NOL4: variants seen among roughly 807,000 people sequenced by gnomAD.
The protein encoded by NOL4 is nucleolar protein 4.
In NOL4, 17 loss-of-function variants were observed where a neutral mutation model predicts 75.9. The ratio of observed to expected loss-of-function variants is 0.22; its 90% CI spans 0.15 to 0.34. The LOEUF (loss-of-function observed/expected upper bound fraction) is 0.34, where lower values mean the gene tolerates loss of function less well. Ranked by LOEUF, NOL4 falls within the 10% of genes least tolerant of loss-of-function variation. The pLI is 1.00. For missense variants in NOL4, 614 were observed against 793.5 expected, an observed-to-expected ratio of 0.77 and a Z score of 2.72; for synonymous variants, 292 against 289.9, an observed-to-expected ratio of 1.01 and a Z score of -0.07.
intron 1 of NOL4, among the ~76,000 whole-genome samples, chr18:34,148,813 T>C (rs1568395145): frequency 6.6e-6 from 1 of 152,008 alleles, no homozygotes; most frequent in Non-Finnish European, 1.5e-5. Context: ...CAGGGGGGTA[T>C]TAAAGTCTCC....
At chr18:34,055,350 T>C (rs2076791836) in intron 5 of NOL4, among the ~76,000 whole-genome samples, 1 of 152,156 alleles carries the variant, frequency 6.6e-6, no homozygotes, top group South Asian at 2.1e-4. Flanking sequence ...TAAATTCCTC[T>C]CCATTTTTGA....
chr18:34,144,838 T>G (rs1326080085), intron 1 of NOL4, among the ~76,000 whole-genome samples: 1 of 152,142 alleles, frequency 6.6e-6, no homozygotes, highest in Admixed American at 6.6e-5. Flanking sequence ...TGACATGCAG[T>G]TCTCCATGAC....
chr18:33,998,380 T>C (rs2073443258), intron 6 of NOL4, among the ~76,000 whole-genome samples: 1 of 152,100 alleles, frequency 6.6e-6, no homozygotes, highest in Non-Finnish European at 1.5e-5. Flanking sequence ...TTTTTATCTA[T>C]ATGAAATCAC....
intron 1 of NOL4, among the ~76,000 whole-genome samples, chr18:34,214,782 T>C (rs1336767662): frequency 6.6e-6 from 1 of 151,924 alleles, no homozygotes; most frequent in African/African-American, 2.4e-5. Context: ...AACTAATGAA[T>C]GGACAAACAA....
intron 10 of NOL4, among the ~76,000 whole-genome samples, chr18:33,879,493 A>G (rs556820848): frequency 6.6e-6 from 1 of 151,862 alleles, no homozygotes; most frequent in African/African-American, 2.4e-5. Context: ...GCAACATGGT[A>G]AAAACTTTGT....
intron 9 of NOL4, among the ~76,000 whole-genome samples, chr18:33,913,319 G>C (rs1343968810): frequency 1.3e-5 from 2 of 152,004 alleles, no homozygotes; most frequent in Non-Finnish European, 1.5e-5. Context: ...TTTAAATATT[G>C]AGTAACAAAG....
At chr18:34,208,861 C>T (rs1211258570) in intron 1 of NOL4, among the ~76,000 whole-genome samples, 3 of 151,432 alleles carry the variant, frequency 2.0e-5, no homozygotes, top group South Asian at 2.1e-4. Context: ...GACTCCATCT[C>T]GAAAAAATGA....
chr18:34,174,103 T>G (rs1239856093), intron 1 of NOL4, among the ~76,000 whole-genome samples: 1 of 152,192 alleles, frequency 6.6e-6, no homozygotes, highest in Non-Finnish European at 1.5e-5. Flanking sequence ...GTGAAGTGGA[T>G]AATGACTGGC....
intron 9 of NOL4, among the ~76,000 whole-genome samples, chr18:33,898,787 T>C (rs1207165550): frequency 6.6e-6 from 1 of 152,206 alleles, no homozygotes; most frequent in Non-Finnish European, 1.5e-5. Context: ...TTTTGAGACT[T>C]CTTTTTTTCC....
rs535186309 is a variant in NOL4, at chr18:33,897,637, A to C, written c.1543-14213T>G. ...GGAAGGTGGGAGGAGGAAGAGGAGC[A>C]GAAAAGATAACTATTGGGTACTGGG... On this transcript the variant is annotated intron_variant, in intron 9 of 10. Coordinates refer to ENST00000261592, the MANE Select transcript of NOL4 (RefSeq NM_003787.5). Among the ~76,000 whole-genome samples, 11 of 152,234 alleles carry C rather than the reference A, an allele frequency of 7.2e-5. No homozygotes were observed. In the South Asian group the frequency reaches 1.7e-3, roughly 23 times the overall value.
At chr18:34,183,202 A>G (rs1410737266) in intron 1 of NOL4, among the ~76,000 whole-genome samples, 2 of 151,900 alleles carry the variant, frequency 1.3e-5, no homozygotes, top group Non-Finnish European at 3.0e-5. Context: ...CTCAAAATTC[A>G]ATAATAAGCA....
chr18:34,038,790 A>G (rs1220711570), intron 5 of NOL4, among the ~76,000 whole-genome samples: 1 of 152,032 alleles, frequency 6.6e-6, no homozygotes, highest in Non-Finnish European at 1.5e-5. Context: ...GTATAAACTT[A>G]CAGTTTAGAT....
In NOL4 at chr18:34,015,543, TTA is replaced by T. The variant is rs139096180; in HGVS notation, c.1056+3773_1056+3774del. On this transcript the variant is annotated intron_variant, in intron 6 of 10. Coordinates refer to ENST00000261592, the MANE Select transcript of NOL4 (RefSeq NM_003787.5). ...GTATATGTTTCTCCACAAATTCCTT[TTA>T]TATCACTTGTTCCTAATGGATTGAT... Among the ~76,000 whole-genome samples the T allele has an allele frequency of 5.0e-3, 756 of 152,172 alleles. 8 individuals carry two copies. Among genetic ancestry groups the T allele is most frequent in the African/African-American group, 0.017 (705 of 41,550 alleles).
chr18:34,092,745 T>C (rs78078799), intron 5 of NOL4, among the ~76,000 whole-genome samples: 18,199 of 152,190 alleles, frequency 0.12, 1,166 homozygotes, highest in Middle Eastern at 0.14. Context: ...CCAAAATAAG[T>C]CACATTGACT....
At chr18:34,167,040 G>C (rs1828775161) in intron 1 of NOL4, among the ~76,000 whole-genome samples, 1 of 6,634 alleles carries the variant, frequency 1.5e-4, no homozygotes, top group African/African-American at 6.1e-4. Context: ...GCGAGACTCC[G>C]TCTCAAAAAA....
chr18:34,132,623 T>G (rs963616408), intron 1 of NOL4, among the ~76,000 whole-genome samples: 1 of 151,872 alleles, frequency 6.6e-6, no homozygotes, highest in Non-Finnish European at 1.5e-5. Flanking sequence ...GTCTACCATA[T>G]AAATCAGCCA....
At chr18:33,954,470 A>G (rs552158632) in intron 8 of NOL4, among the ~76,000 whole-genome samples, 26 of 152,100 alleles carry the variant, frequency 1.7e-4, no homozygotes, top group Non-Finnish European at 3.5e-4. Flanking sequence ...GAGAAACCTG[A>G]GAAAGAAAGA....
intron 6 of NOL4, among the ~76,000 whole-genome samples, chr18:33,971,237 G>C (rs973567230): frequency 5.3e-5 from 8 of 152,170 alleles, no homozygotes; most frequent in Admixed American, 5.2e-4. Flanking sequence ...CCAAACACCT[G>C]TGTGGCATAA....
At chr18:33,949,155 G>A (rs1386204327) in intron 8 of NOL4, among the ~76,000 whole-genome samples, 2 of 152,106 alleles carry the variant, frequency 1.3e-5, no homozygotes, top group East Asian at 1.9e-4. Context: ...ACTCTATCAT[G>A]TCCCAAAACT....
Sources: allele counts gnomAD v4.1 joint callset (sites outside exome capture counted in the v4.1 genomes callset), GRCh38; gene constraint gnomAD v4.1.1; transcripts MANE v1.5; gene names NCBI Gene and HGNC (gene_info 2026-07-23, HGNC 2026-07-21).